Variants in HERPUD1 observed in about 807,000 individuals in gnomAD.
HERPUD1 encodes homocysteine inducible ER protein with ubiquitin like domain 1.
A neutral mutation model predicts 45.0 loss-of-function variants in HERPUD1; 17 were observed. That is an observed-to-expected ratio of 0.38 (90% CI 0.26 to 0.57). The LOEUF (loss-of-function observed/expected upper bound fraction) is 0.57, where lower values mean the gene tolerates loss of function less well. HERPUD1 is among the 20% of genes least tolerant of loss of function. The pLI, the probability that HERPUD1 is intolerant of heterozygous loss-of-function variation, is 0.72. For synonymous variants in HERPUD1, 164 were observed against 177.5 expected, an observed-to-expected ratio of 0.92 and a Z score of 0.61; for missense variants, 420 against 490.5, an observed-to-expected ratio of 0.86 and a Z score of 1.36.
chr16:56,934,682 A>C (rs575886636), intron 1 of HERPUD1, among the ~76,000 whole-genome samples: 1 of 131,524 alleles, frequency 7.6e-6, no homozygotes, highest in Middle Eastern at 4.9e-3. Context: ...TTAAGTTTGG[A>C]CTGGAGATAA....
rs1178796360 is a variant in HERPUD1 at position 56,944,054 on chromosome 16, A to T, written c.*764A>T. The T allele has an allele frequency of 6.3e-6, 1 of 157,722 alleles. No individual in the cohort carries two copies. Among genetic ancestry groups the T allele is most frequent in the Non-Finnish European group, 1.4e-5 (1 of 71,412 alleles). 9.8% of individuals were successfully genotyped at this position (157,722 alleles called of 1,614,324 possible). ...GTTTTTGTTGGCGTTTTTGTTTTTG[A>T]GATGGGGTCTTGCTTTGTTCCTTGG... On this transcript the variant is annotated 3_prime_UTR_variant, in exon 8 of 8. Transcript: ENST00000439977.
intron 3 of HERPUD1, 156 bp downstream of exon 3, chr16:56,935,631 A>G (rs2055861020): frequency 1.5e-6 from 1 of 652,964 alleles, no homozygotes; most frequent in Non-Finnish European, 2.7e-6. Context: ...CTGTATTATC[A>G]ACACAAAGTG....
At chr16:56,937,386 A>G (rs1386191561) in intron 4 of HERPUD1, 1 of 152,220 alleles carries the variant, frequency 6.6e-6, no homozygotes, top group East Asian at 1.9e-4. Context: ...ATTAACTGCA[A>G]GTTGCAATTC....
intron 6 of HERPUD1, chr16:56,941,193 A>G (rs952440): frequency 0.39 from 59,613 of 152,060 alleles, 13,990 homozygotes; most frequent in African/African-American, 0.66. Context: ...CCTTTATCAG[A>G]CCACAGCTGC....
intron 7 of HERPUD1, among the ~76,000 whole-genome samples, chr16:56,942,703 A>G (rs1352779918): frequency 6.6e-6 from 1 of 152,040 alleles, no homozygotes; most frequent in African/African-American, 2.4e-5. Flanking sequence ...AAAATTACAA[A>G]AATTAGTTGG....
rs552690721 is a variant in HERPUD1 at position 56,934,011 on chromosome 16, A to G, written c.148-1224A>G. On this transcript the variant is annotated intron_variant, in intron 1 of 7. Coordinates refer to ENST00000439977, the MANE Select transcript of HERPUD1 (RefSeq NM_014685.4). ...TATATTTATTTTGGTTTAGTTACAC[A>G]GTGTCAAAAAGTTCTGATGTATATG... Among the ~76,000 whole-genome samples, 16 of 152,370 alleles carry G rather than the reference A, an allele frequency of 1.1e-4. 1 individual carries two copies. In the South Asian group the frequency reaches 3.1e-3, roughly 30 times the overall value.
Position 56,942,313 on chromosome 16 carries a change from C to A in HERPUD1, c.1011+76C>A, listed in dbSNP as rs750607297. ...TCTCCAATCCTCAACCTTTAGATTGCCAGCTTGCGGTTTACCATTTTATTG... is the reference window on the plus strand; with the variant it reads ...TCTCCAATCCTCAACCTTTAGATTGACAGCTTGCGGTTTACCATTTTATTG... On this transcript the variant is annotated intron_variant, in intron 7 of 7. Transcript: ENST00000439977. The A allele has an allele frequency of 7.4e-5, 69 of 926,588 alleles. No individual in the cohort carries two copies. The African/African-American group carries it at 1.1e-3, about 15-fold the overall frequency. 57.4% of individuals were successfully genotyped at this position (926,588 alleles called of 1,614,324 possible). A position where few individuals can be genotyped will look rare whatever the true frequency, so the allele number is the denominator to read the frequency against.
In HERPUD1 at chr16:56,936,701, A is replaced by G. The variant is rs758952883; in HGVS notation, c.315A>G (p.Thr105=). The part of the protein sequence containing the change: ...PEINAKVAES[T]EEPAGSNRGQ... ...CACTTATTTAGGTGGCTGAATCCAC[A>G]GAGGAGCCTGCTGGTTCTAATCGGG... The change falls in exon 4 of 8, where the codon ACA becomes ACG. Residue 105 remains threonine, a synonymous_variant. Transcript: ENST00000439977. The G allele has an allele frequency of 2.3e-5, 37 of 1,613,324 alleles. No homozygotes were observed. Among genetic ancestry groups the G allele is most frequent in the Non-Finnish European group, 2.8e-5 (33 of 1,179,510 alleles).
chr16:56,933,101 C>T, intron 1 of HERPUD1: 1 of 367,394 alleles, frequency 2.7e-6, no homozygotes, highest in Non-Finnish European at 5.3e-6. Context: ...CTGCCCTGGC[C>T]ACCACGTGAT....
rs1489136461 is a variant in HERPUD1, at chr16:56,943,924, G to GT, written c.*635dup. 1.1e-5 allele frequency: 2 copies of GT among 184,774 alleles called. No homozygotes were observed. The highest frequency in any genetic ancestry group is 1.2e-4 in the Admixed American group (2 of 17,260). The allele number at this position is 184,774 out of a possible 1,614,324, so 11.4% of individuals were successfully genotyped here. On this transcript the variant is annotated 3_prime_UTR_variant, in exon 8 of 8. Coordinates refer to ENST00000439977, the MANE Select transcript of HERPUD1 (RefSeq NM_014685.4). Reference sequence around the variant, plus strand: ...CCTAGCAGTTTACTCTGCGTTTGTTGTATCTAGACAGTCAACAACTGAGTT... The same window carrying GT: ...CCTAGCAGTTTACTCTGCGTTTGTTGTTATCTAGACAGTCAACAACTGAGTT...
chr16:56,936,098 C>A (rs1170232731), intron 3 of HERPUD1: 2 of 152,992 alleles, frequency 1.3e-5, no homozygotes, highest in African/African-American at 4.8e-5. Flanking sequence ...TTTCATTTCA[C>A]AATGTTTATT....
chr16:56,938,366 A>T (rs1323162512), intron 4 of HERPUD1, among the ~76,000 whole-genome samples: 1 of 152,160 alleles, frequency 6.6e-6, no homozygotes, highest in Non-Finnish European at 1.5e-5. Context: ...GATTGAGACC[A>T]TCCTGGCTAA....
chr16:56,938,645 G>A (rs1596980366), intron 4 of HERPUD1, among the ~76,000 whole-genome samples: 2 of 151,906 alleles, frequency 1.3e-5, no homozygotes, highest in East Asian at 1.9e-4. Context: ...CAGTGACCTT[G>A]TGCAAAGCCC....
intron 1 of HERPUD1, among the ~76,000 whole-genome samples, chr16:56,934,452 C>T (rs1326453078): frequency 6.6e-6 from 1 of 152,156 alleles, no homozygotes; most frequent in African/African-American, 2.4e-5. Flanking sequence ...ACCCACACGC[C>T]ATCTCCTCTA....
At chr16:56,932,829 G>T (rs2055837848) in intron 1 of HERPUD1, among the ~76,000 whole-genome samples, 1 of 152,240 alleles carries the variant, frequency 6.6e-6, no homozygotes, top group Non-Finnish European at 1.5e-5. Flanking sequence ...GTGGACGGAA[G>T]GCCCCACACC....
At chr16:56,935,500 A>G (rs548117927) in intron 3 of HERPUD1, 25 bp downstream of exon 3, 1 of 1,589,812 alleles carries the variant, frequency 6.3e-7, no homozygotes, top group South Asian at 1.1e-5. Flanking sequence ...TCATGATGGT[A>G]ACAATTTGTA....
intron 1 of HERPUD1, chr16:56,933,439 C>A: frequency 2.3e-6 from 1 of 432,182 alleles, no homozygotes. Flanking sequence ...TTCCAAGAAA[C>A]TGGGTGGCTG....
chr16:56,942,354 G>A, intron 7 of HERPUD1, 117 bp downstream of exon 7: 1 of 638,974 alleles, frequency 1.6e-6, no homozygotes, highest in African/African-American at 1.8e-5. Context: ...AATATTTCAT[G>A]ATTTGTTCAC....
intron 6 of HERPUD1, chr16:56,940,513 G>A: frequency 5.8e-6 from 2 of 346,084 alleles, no homozygotes; most frequent in East Asian, 5.5e-5. Flanking sequence ...GGTCATGTTG[G>A]CCAGGTGGTC....
Sources: allele counts gnomAD v4.1 joint callset (sites outside exome capture counted in the v4.1 genomes callset), GRCh38; gene constraint gnomAD v4.1.1; transcripts MANE v1.5; gene names NCBI Gene and HGNC (gene_info 2026-07-23, HGNC 2026-07-21).